Variants in CNTLN observed in about 807,000 individuals in gnomAD.
The protein encoded by CNTLN is centlein, centrosomal protein.
A neutral mutation model predicts 180.0 loss-of-function variants in CNTLN; 212 were observed. The ratio of observed to expected loss-of-function variants is 1.18; its 90% confidence interval spans 1.05 to 1.32. The LOEUF is 1.32. CNTLN is among the 40% of genes most tolerant of loss of function. The pLI is 0.00. For synonymous variants in CNTLN, 722 were observed against 563.1 expected, an observed-to-expected ratio of 1.28 and a Z score of -3.99; for missense variants, 2,095 against 1,610.9, an observed-to-expected ratio of 1.30 and a Z score of -5.14.
chr9:17,161,773 C>T (rs1042272458), intron 2 of CNTLN, among the ~76,000 whole-genome samples: 2 of 152,170 alleles, frequency 1.3e-5, no homozygotes, highest in Admixed American at 6.5e-5. Flanking sequence ...TTTTGTGTAA[C>T]TCTAGGTACT....
At chr9:17,193,316 C>T (rs567985722) in intron 2 of CNTLN, among the ~76,000 whole-genome samples, 1 of 152,310 alleles carries the variant, frequency 6.6e-6, no homozygotes, top group Admixed American at 6.5e-5. Flanking sequence ...TCCAAAGTCT[C>T]ATCTGAGACA....
chr9:17,475,301 G>T (rs1227272257), intron 23 of CNTLN, among the ~76,000 whole-genome samples: 1 of 152,060 alleles, frequency 6.6e-6, no homozygotes, highest in African/African-American at 2.4e-5. Flanking sequence ...TGGGTTGGTT[G>T]GAAGAGTTGA....
chr9:17,212,380 C>T (rs1304169463), intron 2 of CNTLN, among the ~76,000 whole-genome samples: 7 of 152,156 alleles, frequency 4.6e-5, no homozygotes, highest in Non-Finnish European at 1.0e-4. Flanking sequence ...TATGTTGAAC[C>T]AGCCTTGCAT....
At chr9:17,191,647 AT>A (rs1327664848) in intron 2 of CNTLN, among the ~76,000 whole-genome samples, 10 of 152,334 alleles carry the variant, frequency 6.6e-5, no homozygotes, top group South Asian at 2.1e-4. Context: ...AATATATGAC[AT>A]TTTTTTGATG....
At chr9:17,290,293 T>G (rs1364546238) in intron 6 of CNTLN, among the ~76,000 whole-genome samples, 7 of 151,900 alleles carry the variant, frequency 4.6e-5, no homozygotes, top group Non-Finnish European at 1.0e-4. Flanking sequence ...CTGCCCCTGC[T>G]GGGGGGTGCC....
chr9:17,239,416 T>A (rs1335152021), intron 5 of CNTLN, among the ~76,000 whole-genome samples: 59 of 151,844 alleles, frequency 3.9e-4, no homozygotes, highest in Admixed American at 3.9e-3. Flanking sequence ...TTTCTTAAAT[T>A]CTTTGTTACT....
intron 7 of CNTLN, 80 bp from the exon 8 acceptor site, chr9:17,308,978 A>C: frequency 1.1e-6 from 1 of 886,780 alleles, no homozygotes; most frequent in Non-Finnish European, 1.7e-6. Flanking sequence ...ATATGTATAT[A>C]TACACACACA....
intron 25 of CNTLN, among the ~76,000 whole-genome samples, chr9:17,496,746 T>G (rs1335402768): frequency 6.6e-6 from 1 of 152,208 alleles, no homozygotes; most frequent in Non-Finnish European, 1.5e-5. Context: ...AGGGACTCCT[T>G]GTTAACAGTG....
Position 17,297,629 on chromosome 9 carries a change from C to G in CNTLN, c.984-561C>G, listed in dbSNP as rs180939299. On this transcript the variant is annotated intron_variant, in intron 6 of 25. Coordinates refer to ENST00000380647, the MANE Select transcript of CNTLN (RefSeq NM_017738.4). ...AGGACTGGATTTTTCTTGTGACTTT[C>G]TGACTCTTTTACCTCATCAGTTCCT... Among the ~76,000 whole-genome samples the G allele has an allele frequency of 5.2e-3, 796 of 152,258 alleles. 5 individuals are homozygous for G. Among genetic ancestry groups the G allele is most frequent in the Admixed American group, 8.2e-3 (126 of 15,298 alleles).
chr9:17,226,797 A>G (rs1445672949), intron 3 of CNTLN, among the ~76,000 whole-genome samples: 2 of 151,996 alleles, frequency 1.3e-5, no homozygotes, highest in Admixed American at 1.3e-4. Flanking sequence ...ATGCATAGCA[A>G]CATCTGCTTC....
At chr9:17,217,223 G>T (rs564432303) in intron 2 of CNTLN, among the ~76,000 whole-genome samples, 2 of 152,232 alleles carry the variant, frequency 1.3e-5, no homozygotes, top group Non-Finnish European at 2.9e-5. Flanking sequence ...ACACATGGCA[G>T]AAGGTGGTAC....
chr9:17,423,671 G>A (rs1324741164), intron 18 of CNTLN, among the ~76,000 whole-genome samples: 1 of 152,114 alleles, frequency 6.6e-6, no homozygotes, highest in African/African-American at 2.4e-5. Context: ...AGTACTGCAG[G>A]ACACTTTAGT....
chr9:17,259,705 A>T (rs1826802494), intron 5 of CNTLN, among the ~76,000 whole-genome samples: 1 of 150,620 alleles, frequency 6.6e-6, no homozygotes, highest in Non-Finnish European at 1.5e-5. Context: ...TAGTCTTGGG[A>T]GAGTGTATGT....
chr9:17,464,156 A>G (rs537759849), intron 20 of CNTLN, among the ~76,000 whole-genome samples: 40 of 151,430 alleles, frequency 2.6e-4, no homozygotes, highest in African/African-American at 9.2e-4. Context: ...GATTATCTTC[A>G]TATATCACTT....
At chr9:17,139,078 T>C (rs1212872283) in intron 1 of CNTLN, among the ~76,000 whole-genome samples, 1 of 152,124 alleles carries the variant, frequency 6.6e-6, no homozygotes, top group Non-Finnish European at 1.5e-5. Flanking sequence ...GAAAAAAGAA[T>C]TATTATTTTA....
chr9:17,326,640 A>G (rs543839328), intron 8 of CNTLN, among the ~76,000 whole-genome samples: 1 of 152,322 alleles, frequency 6.6e-6, no homozygotes, highest in Non-Finnish European at 1.5e-5. Context: ...GTAATCTGAC[A>G]AAACTCTACT....
At chr9:17,201,164 G>T (rs1822498036) in intron 2 of CNTLN, among the ~76,000 whole-genome samples, 1 of 152,188 alleles carries the variant, frequency 6.6e-6, no homozygotes, top group South Asian at 2.1e-4. Flanking sequence ...AACCAGCCTT[G>T]CATCCTATGG....
intron 18 of CNTLN, among the ~76,000 whole-genome samples, chr9:17,446,204 G>T (rs1464428676): frequency 6.6e-6 from 1 of 152,062 alleles, no homozygotes; most frequent in African/African-American, 2.4e-5. Context: ...TATGCTGAAC[G>T]CTGGTTCCCC....
intron 2 of CNTLN, among the ~76,000 whole-genome samples, chr9:17,181,322 T>C (rs958241168): frequency 2.0e-5 from 3 of 152,244 alleles, no homozygotes; most frequent in Admixed American, 6.5e-5. Flanking sequence ...AGCCCATCTA[T>C]TGAGTTGGGT....
Sources: allele counts gnomAD v4.1 joint callset (sites outside exome capture counted in the v4.1 genomes callset), GRCh38; gene constraint gnomAD v4.1.1; transcripts MANE v1.5; gene names NCBI Gene and HGNC (gene_info 2026-07-23, HGNC 2026-07-21).